The following ADK variants were observed in gnomAD, a reference collection of about 807,000 sequenced individuals.
ADK encodes adenosine kinase, also known as N6,N6-dimethyladenosine kinase.
A neutral mutation model predicts 44.7 loss-of-function variants in ADK; 24 were observed. That is an observed-to-expected ratio of 0.54 (90% CI 0.39 to 0.76). The LOEUF is 0.76. Ranked by LOEUF, ADK falls within the 30% of genes least tolerant of loss-of-function variation. The pLI is 0.00. For missense variants in ADK, 321 were observed against 425.1 expected, an observed-to-expected ratio of 0.76 and a Z score of 2.15; for synonymous variants, 128 against 142.6, an observed-to-expected ratio of 0.90 and a Z score of 0.73.
At chr10:74,201,650 ATGTATGTATG>A (rs1564589273) in intron 2 of ADK, among the ~76,000 whole-genome samples, 21 of 128,784 alleles carry the variant, frequency 1.6e-4, no homozygotes, top group Admixed American at 5.4e-4. Flanking sequence ...GTGTATATGT[ATGTATGTATG>A]TATGTATGTA....
intron 6 of ADK, among the ~76,000 whole-genome samples, chr10:74,502,631 A>G (rs1306185080): frequency 1.3e-5 from 2 of 152,176 alleles, no homozygotes; most frequent in Non-Finnish European, 2.9e-5. Context: ...TCACATTGTA[A>G]AAAAATTATA....
chr10:74,481,627 A>G (rs961771907), intron 6 of ADK, among the ~76,000 whole-genome samples: 2 of 152,168 alleles, frequency 1.3e-5, no homozygotes, highest in African/African-American at 2.4e-5. Context: ...GCATTTGCTT[A>G]TAATTGATGT....
Position 74,441,796 on chromosome 10 carries a change from T to G in ADK, c.555+43217T>G, listed in dbSNP as rs140417892. On this transcript the variant is annotated intron_variant, in intron 6 of 10. Transcript: ENST00000539909. ...AACTCACAGAATGGGAGAAAATATT[T>G]GTAAACCCCATATATGATAAAAGGT... Among the ~76,000 whole-genome samples the G allele has an allele frequency of 8.5e-5, 13 of 152,240 alleles. No homozygotes were observed. The East Asian group carries it at 2.5e-3, about 29-fold the overall frequency.
chr10:74,392,165 A>T (rs946278652), intron 4 of ADK, among the ~76,000 whole-genome samples: 6 of 152,010 alleles, frequency 3.9e-5, no homozygotes, highest in African/African-American at 1.2e-4. Flanking sequence ...AATTCTTTTG[A>T]CTGTATACCC....
intron 9 of ADK, among the ~76,000 whole-genome samples, chr10:74,660,495 T>C (rs1854669103): frequency 1.3e-5 from 2 of 151,898 alleles, no homozygotes; most frequent in South Asian, 2.1e-4. Flanking sequence ...CCCAACACTT[T>C]GGGAGGCCAA....
chr10:74,580,447 C>T (rs537130874), intron 7 of ADK, among the ~76,000 whole-genome samples: 5 of 152,064 alleles, frequency 3.3e-5, no homozygotes, highest in African/African-American at 9.6e-5. Context: ...TGGTGGCACA[C>T]GCCTGTAATC....
chr10:74,349,471 T>TA lies in ADK; in HGVS notation c.273+34729dup, dbSNP rs559714423. On this transcript the variant is annotated intron_variant, in intron 4 of 10. Coordinates refer to ENST00000539909, the MANE Select transcript of ADK (RefSeq NM_006721.4). ...GCCACTGCACAAACACACCAAAATATAAAGACCAATGACACTATGAAGAAA... is the reference window on the plus strand; with the variant it reads ...GCCACTGCACAAACACACCAAAATATAAAAGACCAATGACACTATGAAGAAA... Among the ~76,000 whole-genome samples the TA allele has an allele frequency of 2.8e-3, 425 of 152,248 alleles. 4 individuals are homozygous for TA. The highest frequency in any genetic ancestry group is 9.6e-3 in the African/African-American group (399 of 41,554).
chr10:74,514,730 T>A (rs1327643027), intron 6 of ADK, among the ~76,000 whole-genome samples: 1 of 152,136 alleles, frequency 6.6e-6, no homozygotes, highest in Admixed American at 6.5e-5. Context: ...ATTATTTTGA[T>A]TTTTTTCCCA....
intron 6 of ADK, among the ~76,000 whole-genome samples, chr10:74,493,557 C>T (rs924579354): frequency 6.6e-6 from 1 of 151,072 alleles, no homozygotes; most frequent in African/African-American, 2.4e-5. Context: ...TATATCTCAT[C>T]TGTATATATA....
intron 6 of ADK, among the ~76,000 whole-genome samples, chr10:74,458,024 T>C (rs181228309): frequency 7.4e-5 from 11 of 148,564 alleles, no homozygotes; most frequent in African/African-American, 2.2e-4. Flanking sequence ...AATTAAAAAA[T>C]AATAATAAAA....
At chr10:74,686,889 G>T (rs1287782095) in intron 10 of ADK, among the ~76,000 whole-genome samples, 2 of 152,012 alleles carry the variant, frequency 1.3e-5, no homozygotes, top group Non-Finnish European at 2.9e-5. Flanking sequence ...TGTTGGCCAG[G>T]ATGGTCTCTA....
intron 6 of ADK, among the ~76,000 whole-genome samples, chr10:74,439,727 A>G (rs1845329674): frequency 6.6e-6 from 1 of 152,134 alleles, no homozygotes; most frequent in Admixed American, 6.5e-5. Flanking sequence ...AAATCAAGCA[A>G]ACATTCTAGG....
At chr10:74,336,808 A>G (rs1352654534) in intron 4 of ADK, among the ~76,000 whole-genome samples, 1 of 152,190 alleles carries the variant, frequency 6.6e-6, no homozygotes, top group Non-Finnish European at 1.5e-5. Flanking sequence ...ATTGCTTATA[A>G]TACCTAATAC....
intron 1 of ADK, among the ~76,000 whole-genome samples, chr10:74,161,014 C>A (rs1367684206): frequency 2.6e-5 from 4 of 152,172 alleles, no homozygotes; most frequent in Non-Finnish European, 5.9e-5. Context: ...ACTCACCAAA[C>A]CTAGAAATGG....
intron 3 of ADK, among the ~76,000 whole-genome samples, chr10:74,230,011 GCCTGGGTGACAGAATGAGAC>G (rs978611796): frequency 1.3e-5 from 2 of 151,328 alleles, no homozygotes; most frequent in Non-Finnish European, 2.9e-5. Flanking sequence ...CTGTGCTCCA[GCCTGGGTGACAGAATGAGAC>G]CCTGTTAAAA....
intron 4 of ADK, among the ~76,000 whole-genome samples, chr10:74,384,720 C>T (rs147491304): frequency 6.6e-6 from 1 of 152,062 alleles, no homozygotes; most frequent in Admixed American, 6.6e-5. Context: ...GAATTTAGGA[C>T]AACATTGTCT....
chr10:74,696,423 T>A (rs1329163778), intron 10 of ADK, among the ~76,000 whole-genome samples: 1 of 151,990 alleles, frequency 6.6e-6, no homozygotes, highest in Non-Finnish European at 1.5e-5. Flanking sequence ...TGGAGTTCAG[T>A]GGCCCGATCT....
At chr10:74,153,794 C>T (rs1417179952) in intron 1 of ADK, among the ~76,000 whole-genome samples, 1 of 152,150 alleles carries the variant, frequency 6.6e-6, no homozygotes, top group African/African-American at 2.4e-5. Flanking sequence ...CTTTTCTCTC[C>T]TTTGGAAATC....
chr10:74,219,475 A>G (rs956390031), intron 2 of ADK, among the ~76,000 whole-genome samples: 2 of 152,212 alleles, frequency 1.3e-5, no homozygotes, highest in Non-Finnish European at 2.9e-5. Flanking sequence ...CAGAAAGTCA[A>G]CAAGGATACC....
Sources: allele counts gnomAD v4.1 joint callset (sites outside exome capture counted in the v4.1 genomes callset), GRCh38; gene constraint gnomAD v4.1.1; transcripts MANE v1.5; gene names NCBI Gene and HGNC (gene_info 2026-07-23, HGNC 2026-07-21).